The following CSMD1 variants were observed in gnomAD, a reference collection of about 807,000 sequenced individuals.
CSMD1 encodes the protein CUB and Sushi multiple domains 1, also known as CUB and sushi domain-containing protein 1.
CSMD1 carries 213 observed loss-of-function variants against 417.5 expected under a neutral mutation model. The observed-to-expected ratio is 0.51, with a 90% CI of 0.46 to 0.57. The LOEUF (loss-of-function observed/expected upper bound fraction) is 0.57, where lower values mean the gene tolerates loss of function less well. Ranked by LOEUF, CSMD1 falls within the 20% of genes least tolerant of loss-of-function variation. The pLI is 0.00. For missense variants in CSMD1, 6,923 were observed against 4,529.7 expected (o/e 1.53, Z -15.17); for synonymous variants, 2,862 against 1,736.8 (o/e 1.65, Z -16.11).
At chr8:4,958,372 A>ATTTT (rs1809260895) in intron 1 of CSMD1, among the ~76,000 whole-genome samples, 1 of 152,146 alleles carries the variant, frequency 6.6e-6, no homozygotes, top group Non-Finnish European at 1.5e-5. Flanking sequence ...TTACCCACCT[A>ATTTT]TTTTAAAACA....
At chr8:4,140,479 C>T (rs1352826548) in intron 3 of CSMD1, among the ~76,000 whole-genome samples, 2 of 148,750 alleles carry the variant, frequency 1.3e-5, no homozygotes, top group Non-Finnish European at 3.0e-5. Context: ...GTATAAGCAA[C>T]AAAATCCATC....
chr8:3,489,349 T>C (rs1231497937), intron 11 of CSMD1, among the ~76,000 whole-genome samples: 1 of 152,168 alleles, frequency 6.6e-6, no homozygotes, highest in African/African-American at 2.4e-5. Flanking sequence ...TGACTATTCA[T>C]TCTCATAGAG....
intron 3 of CSMD1, among the ~76,000 whole-genome samples, chr8:4,151,708 C>T (rs1038865448): frequency 6.6e-6 from 1 of 151,948 alleles, no homozygotes; most frequent in African/African-American, 2.4e-5. Flanking sequence ...CTCAAGCTCA[C>T]ACAGATAAAT....
intron 26 of CSMD1, among the ~76,000 whole-genome samples, chr8:3,281,778 G>T (rs10104595): frequency 6.6e-6 from 1 of 151,980 alleles, no homozygotes; most frequent in Non-Finnish European, 1.5e-5. Context: ...TCATTGATAT[G>T]GTTTGGATCT....
At chr8:3,673,502 T>A (rs1799194616) in intron 7 of CSMD1, among the ~76,000 whole-genome samples, 1 of 152,202 alleles carries the variant, frequency 6.6e-6, no homozygotes, top group East Asian at 1.9e-4. Flanking sequence ...AACTGTGATG[T>A]TCATAAACAT....
rs529254764 is a variant in CSMD1 at position 4,280,829 on chromosome 8, G to A, written c.415+139124C>T. Among the ~76,000 whole-genome samples the A allele has an allele frequency of 3.3e-5, 5 of 152,164 alleles. No homozygotes were observed. The South Asian group carries it at 1.0e-3, about 32-fold the overall frequency. ...ATTTTCAAAAATGTATAAATTATAA[G>A]ACTTTTATCTTCATTTCTTCTACTT... On this transcript the variant is annotated intron_variant, in intron 3 of 69. Transcript: ENST00000635120.
chr8:4,564,609 C>A (rs1044525130), intron 2 of CSMD1, among the ~76,000 whole-genome samples: 2 of 152,124 alleles, frequency 1.3e-5, no homozygotes, highest in Non-Finnish European at 2.9e-5. Flanking sequence ...ATCCAGGTAA[C>A]AGTTAAGTTT....
intron 5 of CSMD1, among the ~76,000 whole-genome samples, chr8:3,768,813 A>G (rs975842337): frequency 6.6e-6 from 1 of 152,226 alleles, no homozygotes. Context: ...TAACTTGCTA[A>G]TCCATTACTT....
intron 1 of CSMD1, among the ~76,000 whole-genome samples, chr8:4,710,064 A>G (rs1366478152): frequency 6.6e-6 from 1 of 152,150 alleles, no homozygotes; most frequent in Non-Finnish European, 1.5e-5. Context: ...GTGATTTGGA[A>G]AATCTGGGGC....
At chr8:4,268,345 G>C (rs1216744280) in intron 3 of CSMD1, among the ~76,000 whole-genome samples, 1 of 152,006 alleles carries the variant, frequency 6.6e-6, no homozygotes, top group Non-Finnish European at 1.5e-5. Flanking sequence ...GATTCTTTTT[G>C]ACTAATGTTT....
Position 3,778,221 on chromosome 8 carries a change from CT to C in CSMD1, c.819-24180del, listed in dbSNP as rs528902042. The stretch of plus-strand genomic sequence containing the variant: ...TCCTGGCCGTTTGTCCTTTAGAGGT[CT>C]GTGGAACTGACTATTTTCTGCTCTG... On this transcript the variant is annotated intron_variant, in intron 5 of 69. Coordinates refer to ENST00000635120, the MANE Select transcript of CSMD1 (RefSeq NM_033225.6). 1.5e-3 allele frequency among the ~76,000 whole-genome samples: 235 copies of C among 152,168 alleles called. 8 individuals carry two copies. Among genetic ancestry groups the C allele is most frequent in the Admixed American group, 0.015 (229 of 15,274 alleles).
chr8:4,555,361 G>T (rs1253983753), intron 2 of CSMD1, among the ~76,000 whole-genome samples: 2 of 152,160 alleles, frequency 1.3e-5, no homozygotes, highest in Admixed American at 6.5e-5. Flanking sequence ...ATGGAACATG[G>T]GAGGGACGGG....
intron 1 of CSMD1, among the ~76,000 whole-genome samples, chr8:4,971,691 A>G (rs915147623): frequency 2.3e-5 from 1 of 42,616 alleles, no homozygotes; most frequent in Non-Finnish European, 5.9e-5. Flanking sequence ...ATTCTGAAAT[A>G]TATATATATA....
Position 4,372,878 on chromosome 8 carries a change from T to C in CSMD1, c.415+47075A>G, listed in dbSNP as rs181149416. Among the ~76,000 whole-genome samples, 20 of 152,316 alleles carry C rather than the reference T, an allele frequency of 1.3e-4. No homozygotes were observed. In the South Asian group the frequency reaches 1.7e-3, roughly 13 times the overall value. ...CTACAAAATTATTTACATGGAAATA[T>C]AGCCCTCAAGAAGGCAAAGTGTAAC... On this transcript the variant is annotated intron_variant, in intron 3 of 69. Transcript: ENST00000635120.
chr8:2,945,101 T>C lies in CSMD1; in HGVS notation c.10403-2497A>G, dbSNP rs374465364. On this transcript the variant is annotated intron_variant, in intron 68 of 69. Coordinates refer to ENST00000635120, the MANE Select transcript of CSMD1 (RefSeq NM_033225.6). ...GGTTAATATACACACATTGTGTTAATTAAAATGGCATAAAGGGATATGAAA... is the reference window on the plus strand; with the variant it reads ...GGTTAATATACACACATTGTGTTAACTAAAATGGCATAAAGGGATATGAAA... Among the ~76,000 whole-genome samples the C allele has an allele frequency of 1.8e-4, 28 of 152,312 alleles. No homozygotes were observed. In the East Asian group the frequency reaches 2.1e-3, roughly 12 times the overall value.
chr8:3,750,188 C>G (rs1047881844), intron 6 of CSMD1, among the ~76,000 whole-genome samples: 1 of 152,088 alleles, frequency 6.6e-6, no homozygotes, highest in African/African-American at 2.4e-5. Flanking sequence ...CCAAGTAACA[C>G]TGACGGAATT....
intron 41 of CSMD1, among the ~76,000 whole-genome samples, chr8:3,119,537 A>G (rs1208064936): frequency 2.0e-5 from 3 of 152,202 alleles, no homozygotes; most frequent in African/African-American, 7.2e-5. Flanking sequence ...GAGATAATAA[A>G]TGTTTGCAGT....
chr8:4,106,035 A>G (rs1801551003), intron 3 of CSMD1, among the ~76,000 whole-genome samples: 1 of 152,212 alleles, frequency 6.6e-6, no homozygotes, highest in African/African-American at 2.4e-5. Context: ...CCACTGCATC[A>G]AGGTAGGCCA....
chr8:4,001,272 G>C (rs1444965557), intron 4 of CSMD1, among the ~76,000 whole-genome samples: 3 of 152,132 alleles, frequency 2.0e-5, no homozygotes, highest in East Asian at 1.9e-4. Context: ...AAACCTATCT[G>C]ACAGGAGTGT....
Sources: allele counts gnomAD v4.1 joint callset (sites outside exome capture counted in the v4.1 genomes callset), GRCh38; gene constraint gnomAD v4.1.1; transcripts MANE v1.5; gene names NCBI Gene and HGNC (gene_info 2026-07-23, HGNC 2026-07-21).